PDZD2: variants seen among roughly 807,000 people sequenced by gnomAD.
PDZD2 encodes the protein PDZ domain-containing protein 2.
Under a neutral mutation model 220.7 loss-of-function variants are expected in PDZD2, and 90 were observed. The observed-to-expected ratio is 0.41, with a 90% CI of 0.34 to 0.49. PDZD2 has a LOEUF of 0.49. Among genes scored for constraint, PDZD2 ranks in the 20% least tolerant of loss-of-function variants. PDZD2 has a pLI of 0.28. For missense variants in PDZD2, 3,174 were observed against 3,608.5 expected (o/e 0.88, Z 3.08); for synonymous variants, 1,375 against 1,450.5 (o/e 0.95, Z 1.18).
chr5:31,681,805 A>G (rs1308234912), intron 1 of PDZD2, among the ~76,000 whole-genome samples: 2 of 152,204 alleles, frequency 1.3e-5, no homozygotes, highest in Non-Finnish European at 1.5e-5. Context: ...CTCTCAGGGC[A>G]TGTGATGCTT....
chr5:32,090,600 C>G lies in PDZD2; in HGVS notation c.7152C>G (p.His2384Gln). 1 of 1,614,042 alleles carries G rather than the reference C, an allele frequency of 6.2e-7. No individual in the cohort carries two copies. Among genetic ancestry groups the G allele is most frequent in the African/African-American group, 1.3e-5 (1 of 75,042 alleles). ...GCATTGTTTCCGGGAGCCTGGGCCA[C>G]CCAGGTGACGCAGCAGCAAGGTTGT... is the stretch of plus-strand genomic sequence containing the variant. ...SGSIVSGSLGHPGDAAARLLR... is the reference protein window; with the variant it reads ...SGSIVSGSLGQPGDAAARLLR... Residue 2384 changes from histidine to glutamine, a missense_variant, in exon 20 of 25, where the codon CAC becomes CAG. By Grantham distance (24) the His-to-Gln change is conservative (BLOSUM62 0). This residue lies in a region of PDZD2 where 631 missense variants were observed against 789.9 expected (regional missense o/e 0.80). Transcript: ENST00000438447. The surrounding 1 kb of genome is among the most constrained non-coding windows in gnomAD (Gnocchi z 4.3).
intron 1 of PDZD2, among the ~76,000 whole-genome samples, chr5:31,672,341 G>A (rs1367623456): frequency 1.3e-5 from 2 of 151,310 alleles, no homozygotes; most frequent in Non-Finnish European, 3.0e-5. Flanking sequence ...ACCCTCTGAG[G>A]AGCAGCAATC....
At chr5:32,002,891 A>C (rs1295391689) in intron 5 of PDZD2, among the ~76,000 whole-genome samples, 2 of 45,460 alleles carry the variant, frequency 4.4e-5, no homozygotes, top group Non-Finnish European at 8.2e-5. Flanking sequence ...CACCACACAC[A>C]CCAACACACA....
At chr5:31,711,187 C>T (rs942627842) in intron 1 of PDZD2, among the ~76,000 whole-genome samples, 2 of 152,162 alleles carry the variant, frequency 1.3e-5, no homozygotes, top group African/African-American at 4.8e-5. Context: ...GGGATCTGGA[C>T]TGCCCTTTTT....
At chr5:32,091,802 G>C (rs1240981330) in intron 20 of PDZD2, among the ~76,000 whole-genome samples, 1 of 152,098 alleles carries the variant, frequency 6.6e-6, no homozygotes, top group Non-Finnish European at 1.5e-5. Context: ...AAATAAAAGT[G>C]CCTGCAGGGA....
chr5:31,904,825 A>C (rs748994611), intron 2 of PDZD2, among the ~76,000 whole-genome samples: 1 of 152,194 alleles, frequency 6.6e-6, no homozygotes, highest in Non-Finnish European at 1.5e-5. Flanking sequence ...GCGCAATTAC[A>C]TCGAATAAGG....
At chr5:31,814,410 C>G (rs1755304283) in intron 2 of PDZD2, among the ~76,000 whole-genome samples, 1 of 152,256 alleles carries the variant, frequency 6.6e-6, no homozygotes, top group East Asian at 1.9e-4. Context: ...TGATTTTACA[C>G]CTTTTAAGGG....
rs561831336 is a variant in PDZD2, at chr5:31,935,949, C to A, written c.477-47206C>A. The A allele has an allele frequency of 1.3e-4, 28 of 223,312 alleles. No individual in the cohort carries two copies. In the East Asian group the frequency reaches 4.5e-3, roughly 36 times the overall value. 13.8% of individuals were successfully genotyped at this position (223,312 alleles called of 1,614,324 possible). A position where few individuals can be genotyped will look rare whatever the true frequency, so the allele number is the denominator to read the frequency against. ...TGTCTGCTGGGATATGATTTCCCCCCATACTCCTGGAAAATTAGAACCGTT... is the reference window on the plus strand; with the variant it reads ...TGTCTGCTGGGATATGATTTCCCCCAATACTCCTGGAAAATTAGAACCGTT... On this transcript the variant is annotated intron_variant, in intron 2 of 24. Coordinates refer to ENST00000438447, the MANE Select transcript of PDZD2 (RefSeq NM_178140.4).
intron 5 of PDZD2, among the ~76,000 whole-genome samples, chr5:32,004,172 C>T (rs1752629489): frequency 1.3e-5 from 2 of 152,032 alleles, no homozygotes; most frequent in African/African-American, 2.4e-5. Flanking sequence ...ACTGGTTCCT[C>T]GATGATGCCT....
chr5:31,840,132 G>A (rs1320641750), intron 2 of PDZD2, among the ~76,000 whole-genome samples: 4 of 151,986 alleles, frequency 2.6e-5, no homozygotes, highest in African/African-American at 9.7e-5. Context: ...GAATGCTGAG[G>A]TGTGAGGATC....
chr5:31,810,333 G>A (rs1053001108), intron 2 of PDZD2, among the ~76,000 whole-genome samples: 27 of 146,252 alleles, frequency 1.8e-4, no homozygotes, highest in African/African-American at 5.6e-4. Flanking sequence ...CGCGATCTCC[G>A]CTCACTGCAA....
In PDZD2 at chr5:32,089,976, A is replaced by C. The variant is rs778163517; in HGVS notation, c.6528A>C (p.Thr2176=). 39 of 1,602,978 alleles carry C rather than the reference A, an allele frequency of 2.4e-5. No individual in the cohort carries two copies. The highest frequency in any genetic ancestry group is 3.1e-5 in the Non-Finnish European group (36 of 1,174,512). Reference sequence around the variant, plus strand: ...CGTCCTCCTCCTCCTCCCTTCAAACAGCCATTAGAAAGGCAGAATACTCCC... The same window carrying C: ...CGTCCTCCTCCTCCTCCCTTCAAACCGCCATTAGAAAGGCAGAATACTCCC... ...KLASSSSSLQ[T]AIRKAEYSQG... The change falls in exon 20 of 25, where the codon ACA becomes ACC. Residue 2176 remains threonine, a synonymous_variant. Transcript: ENST00000438447.
At chr5:31,958,748 G>C (rs1011204101) in intron 2 of PDZD2, among the ~76,000 whole-genome samples, 75 of 152,106 alleles carry the variant, frequency 4.9e-4, no homozygotes, top group African/African-American at 1.7e-3. Flanking sequence ...AGCCTTCCAA[G>C]TAGCTGGTGC....
chr5:31,842,641 G>T (rs1345802209), intron 2 of PDZD2, among the ~76,000 whole-genome samples: 5 of 152,168 alleles, frequency 3.3e-5, no homozygotes, highest in Admixed American at 2.6e-4. Flanking sequence ...CATTGCTTGC[G>T]GAGTGGGTAA....
intron 6 of PDZD2, among the ~76,000 whole-genome samples, chr5:32,019,758 A>G (rs1431602670): frequency 6.6e-6 from 1 of 152,200 alleles, no homozygotes; most frequent in Non-Finnish European, 1.5e-5. Flanking sequence ...ATTTCAATGA[A>G]AATAAAATAT....
At chr5:31,888,315 C>G (rs1740708664) in intron 2 of PDZD2, among the ~76,000 whole-genome samples, 1 of 152,198 alleles carries the variant, frequency 6.6e-6, no homozygotes, top group Admixed American at 6.6e-5. Context: ...GCCTCAGCCT[C>G]CTGAGTAGCT....
chr5:31,851,811 G>A (rs1758069964), intron 2 of PDZD2, among the ~76,000 whole-genome samples: 1 of 152,122 alleles, frequency 6.6e-6, no homozygotes, highest in Non-Finnish European at 1.5e-5. Context: ...ATGGCATATG[G>A]ATGCAAAAGC....
At chr5:31,975,811 T>TTTTTTG (rs1561238365) in intron 2 of PDZD2, among the ~76,000 whole-genome samples, 2 of 142,018 alleles carry the variant, frequency 1.4e-5, no homozygotes, top group African/African-American at 2.6e-5. Context: ...TTATTTATTT[T>TTTTTTG]TTTTTTTTTT....
chr5:32,019,390 C>T (rs1411349729), intron 6 of PDZD2, among the ~76,000 whole-genome samples: 4 of 152,144 alleles, frequency 2.6e-5, no homozygotes, highest in South Asian at 4.1e-4. Flanking sequence ...GCAATCCTCC[C>T]GTCTCAGCCT....
Sources: allele counts gnomAD v4.1 joint callset (sites outside exome capture counted in the v4.1 genomes callset), GRCh38; gene constraint gnomAD v4.1.1; regional missense constraint gnomAD v4.1.1; non-coding constraint Gnocchi (gnomAD v3.1); transcripts MANE v1.5; gene names NCBI Gene and HGNC (gene_info 2026-07-23, HGNC 2026-07-21).